COL22A1: variants seen among roughly 807,000 people sequenced by gnomAD.
The protein encoded by COL22A1 is collagen type XXII alpha 1 chain, also known as collagen alpha-1(XXII) chain.
In COL22A1, 221 loss-of-function variants were observed where a neutral mutation model predicts 248.9. The ratio of observed to expected loss-of-function variants is 0.89; its 90% CI spans 0.80 to 0.99. The LOEUF (loss-of-function observed/expected upper bound fraction) is 0.99. COL22A1 is among the 50% of genes least tolerant of loss of function. The pLI is 0.00. For synonymous variants in COL22A1, 891 were observed against 793.4 expected, an observed-to-expected ratio of 1.12 and a Z score of -2.07; for missense variants, 2,240 against 2,179.0, an observed-to-expected ratio of 1.03 and a Z score of -0.56.
At chr8:138,704,754 G>T (rs1289427198) in intron 30 of COL22A1, among the ~76,000 whole-genome samples, 4 of 152,220 alleles carry the variant, frequency 2.6e-5, no homozygotes, top group Non-Finnish European at 5.9e-5. Context: ...CGCCAGCAAT[G>T]GAACAAAGCT....
Position 138,778,455 on chromosome 8 carries a change from G to A in COL22A1, c.1705-49C>T, listed in dbSNP as rs779230608. 4.0e-6 allele frequency: 6 copies of A among 1,511,556 alleles called. No homozygotes were observed. In the African/African-American group the frequency reaches 7.0e-5, roughly 18 times the overall value. 93.6% of individuals were successfully genotyped at this position (1,511,556 alleles called of 1,614,324 possible). A position where few individuals can be genotyped will look rare whatever the true frequency, so the allele number is the denominator to read the frequency against. On this transcript the variant is annotated intron_variant, in intron 14 of 64. Coordinates refer to ENST00000303045, the MANE Select transcript of COL22A1 (RefSeq NM_152888.3). Reference sequence around the variant, plus strand: ...AAAGTTTCAGGGATGGAAAAGAAAGGCAAGTGCAGCCGTACAGCTCAGCCA... The same window carrying A: ...AAAGTTTCAGGGATGGAAAAGAAAGACAAGTGCAGCCGTACAGCTCAGCCA...
intron 18 of COL22A1, among the ~76,000 whole-genome samples, chr8:138,758,127 C>A (rs1563721946): frequency 6.6e-6 from 1 of 152,200 alleles, no homozygotes; most frequent in Admixed American, 6.5e-5. Context: ...CATGGAGAAG[C>A]CCATGTAAAA....
At chr8:138,690,933 A>C (rs1826796963) in intron 35 of COL22A1, 59 bp from the exon 36 acceptor site, 3 of 1,388,304 alleles carry the variant, frequency 2.2e-6, no homozygotes, top group East Asian at 4.9e-5. Context: ...AGTTGCCCCC[A>C]CTCTCTCTGC....
chr8:138,873,908 C>A (rs767293342), intron 3 of COL22A1, among the ~76,000 whole-genome samples: 2 of 152,082 alleles, frequency 1.3e-5, no homozygotes, highest in East Asian at 1.9e-4. Flanking sequence ...TCAAAAAAAA[C>A]CCTGATATTT....
chr8:138,664,207 G>GCGCGCA (rs1554738588), intron 41 of COL22A1, among the ~76,000 whole-genome samples: 9 of 87,604 alleles, frequency 1.0e-4, no homozygotes, highest in East Asian at 3.0e-4. Context: ...GCGCGCGCGC[G>GCGCGCA]CGCACACACA....
chr8:138,858,973 C>T (rs952080864), intron 3 of COL22A1, among the ~76,000 whole-genome samples: 3 of 152,152 alleles, frequency 2.0e-5, no homozygotes, highest in Admixed American at 1.3e-4. Context: ...GGCCAGGCCT[C>T]GTCCCAGCGT....
At chr8:138,786,314 T>A (rs942235493) in intron 12 of COL22A1, among the ~76,000 whole-genome samples, 1 of 152,076 alleles carries the variant, frequency 6.6e-6, no homozygotes, top group Non-Finnish European at 1.5e-5. Context: ...GACGGTAACA[T>A]CTCTTTTTGA....
chr8:138,892,870 G>T (rs1265326169), intron 1 of COL22A1, among the ~76,000 whole-genome samples: 1 of 152,236 alleles, frequency 6.6e-6, no homozygotes, highest in African/African-American at 2.4e-5. Context: ...GCGGGTGGGG[G>T]CTGGGGGAAT....
chr8:138,888,670 A>G (rs1824839781), intron 1 of COL22A1, among the ~76,000 whole-genome samples: 1 of 152,182 alleles, frequency 6.6e-6, no homozygotes, highest in Non-Finnish European at 1.5e-5. Context: ...GAACAGGAAG[A>G]AAAGCACTGT....
intron 18 of COL22A1, among the ~76,000 whole-genome samples, chr8:138,757,607 C>T (rs1177992029): frequency 6.6e-6 from 1 of 152,234 alleles, no homozygotes. Flanking sequence ...CCATCCCTAA[C>T]AACTGTGTGT....
At chr8:138,775,922 T>C (rs1376669064) in intron 16 of COL22A1, 44 bp downstream of exon 16, 2 of 1,595,554 alleles carry the variant, frequency 1.3e-6, no homozygotes, top group East Asian at 4.5e-5. Context: ...CTCTCCCTTT[T>C]CTATGGAAAG....
In COL22A1 at chr8:138,591,189, C is replaced by T. The variant is rs557641461; in HGVS notation, c.4693+235G>A. Among the ~76,000 whole-genome samples the T allele has an allele frequency of 3.9e-5, 6 of 152,200 alleles. No homozygotes were observed. In the East Asian group the frequency reaches 1.2e-3, roughly 29 times the overall value. ...GGACCATTTCATGAAATTTTAAACTCGCGGGATACACTTCAACAATTCATA... is the reference window on the plus strand; with the variant it reads ...GGACCATTTCATGAAATTTTAAACTTGCGGGATACACTTCAACAATTCATA... On this transcript the variant is annotated intron_variant, in intron 64 of 64. Coordinates refer to ENST00000303045, the MANE Select transcript of COL22A1 (RefSeq NM_152888.3).
intron 13 of COL22A1, among the ~76,000 whole-genome samples, chr8:138,780,254 C>A (rs1030401748): frequency 1.3e-4 from 20 of 152,166 alleles, no homozygotes; most frequent in African/African-American, 4.6e-4. Context: ...CCCTTGTCTC[C>A]AGGATCTTAG....
chr8:138,630,231 C>T (rs1161741600), intron 50 of COL22A1, among the ~76,000 whole-genome samples: 2 of 152,146 alleles, frequency 1.3e-5, no homozygotes, highest in Admixed American at 6.5e-5. Context: ...GGATCCTGGA[C>T]TAGTGACTTC....
intron 63 of COL22A1, among the ~76,000 whole-genome samples, chr8:138,592,507 T>C (rs1222331868): frequency 2.2e-4 from 33 of 152,252 alleles, no homozygotes; most frequent in Admixed American, 2.2e-3. Flanking sequence ...TTATATATTT[T>C]GTTTTATGAA....
At position 138,821,204 on chromosome 8, in the gene COL22A1, G is replaced by A. The variant is rs140025311; in HGVS notation, c.1177C>T (p.Arg393Trp). The change falls in exon 7 of 65, where the codon CGG (arginine) becomes TGG (tryptophan). Residue 393 changes from arginine (R) to tryptophan (W), a missense_variant. Arg to Trp is a moderately radical substitution (Grantham distance 101, BLOSUM62 -3). Coordinates refer to ENST00000303045, the MANE Select transcript of COL22A1 (RefSeq NM_152888.3). ...ALVQTLPIEE[R>W]ENIDIQGKTV... ...TTGCCCTGGATGTCAATGTTCTCCCGTTCCTCGATGGGTAGTGTCTGCACC... is the reference window on the plus strand; with the variant it reads ...TTGCCCTGGATGTCAATGTTCTCCCATTCCTCGATGGGTAGTGTCTGCACC... 18 of 1,614,030 alleles carry A rather than the reference G, an allele frequency of 1.1e-5. No individual in the cohort carries two copies. Among genetic ancestry groups the A allele is most frequent in the African/African-American group, 2.7e-5 (2 of 74,912 alleles).
At chr8:138,672,865 T>A (rs1252415290) in intron 41 of COL22A1, among the ~76,000 whole-genome samples, 1 of 152,208 alleles carries the variant, frequency 6.6e-6, no homozygotes, top group Non-Finnish European at 1.5e-5. Context: ...ATGTGGGACC[T>A]TATCTTCACA....
intron 48 of COL22A1, 27 bp from the exon 49 acceptor site, chr8:138,635,090 T>C (rs1162582300): frequency 1.3e-6 from 2 of 1,566,206 alleles, no homozygotes; most frequent in East Asian, 2.3e-5. Flanking sequence ...TGCAATTCTT[T>C]AAAATGACTT....
intron 2 of COL22A1, among the ~76,000 whole-genome samples, chr8:138,879,906 G>T (rs1824057083): frequency 6.6e-6 from 1 of 152,106 alleles, no homozygotes; most frequent in Non-Finnish European, 1.5e-5. Context: ...GAATGGTCTG[G>T]TAGTGGCTGG....
Sources: allele counts gnomAD v4.1 joint callset (sites outside exome capture counted in the v4.1 genomes callset), GRCh38; gene constraint gnomAD v4.1.1; transcripts MANE v1.5; gene names NCBI Gene and HGNC (gene_info 2026-07-23, HGNC 2026-07-21).